Variants in DACH2 observed in about 807,000 individuals in gnomAD.
DACH2 encodes dachshund family transcription factor 2.
Under a neutral mutation model 35.8 loss-of-function variants are expected in DACH2, and 17 were observed. That is an observed-to-expected ratio of 0.48 (90% CI 0.33 to 0.71). DACH2 has a LOEUF of 0.71. DACH2 is among the 30% of genes least tolerant of loss of function. The probability of loss-of-function intolerance (pLI) is 0.02; values close to 1 mark genes in which losing one functional copy is unlikely to be tolerated. For missense variants in DACH2, 469 were observed against 472.7 expected, an observed-to-expected ratio of 0.99 and a Z score of 0.07; for synonymous variants, 195 against 177.3, an observed-to-expected ratio of 1.10 and a Z score of -0.79.
chrX:86,318,789 TG>T (rs1352413574), intron 1 of DACH2, among the ~76,000 whole-genome samples: 87 of 111,637 alleles, frequency 7.8e-4, no homozygotes, highest in African/African-American at 2.7e-3. Flanking sequence ...GACTAAAGTT[TG>T]ATTTTGGGAA....
At chrX:86,224,508 A>T (rs892381939) in intron 1 of DACH2, among the ~76,000 whole-genome samples, 32 of 111,426 alleles carry the variant, frequency 2.9e-4, no homozygotes, top group African/African-American at 1.0e-3. Context: ...TCAGAATAAG[A>T]TTAATAGCCA....
intron 2 of DACH2, among the ~76,000 whole-genome samples, chrX:86,440,381 T>C (rs2037140271): frequency 9.0e-6 from 1 of 111,708 alleles, no homozygotes; most frequent in South Asian, 3.7e-4. Context: ...TTATTTCTGA[T>C]AAATTTCCTT....
At chrX:86,750,294 A>G (rs762883238) in intron 7 of DACH2, among the ~76,000 whole-genome samples, 11 of 111,863 alleles carry the variant, frequency 9.8e-5, no homozygotes, top group African/African-American at 3.6e-4. Context: ...TTGTGTATTT[A>G]CTATGAAAAC....
chrX:86,517,884 T>C (rs62594973), intron 3 of DACH2, among the ~76,000 whole-genome samples: 5,476 of 111,662 alleles, frequency 0.049, 116 homozygotes, highest in Middle Eastern at 0.11. Flanking sequence ...TTGCTGTGCA[T>C]AAGCCCTTAA....
intron 2 of DACH2, among the ~76,000 whole-genome samples, chrX:86,379,581 T>C (rs2036017054): frequency 9.0e-6 from 1 of 111,169 alleles, no homozygotes; most frequent in African/African-American, 3.3e-5. Context: ...GTACCATAAA[T>C]CCTTATTGAG....
chrX:86,374,619 T>C (rs1319677930), intron 1 of DACH2, among the ~76,000 whole-genome samples: 1 of 111,490 alleles, frequency 9.0e-6, no homozygotes, highest in Middle Eastern at 4.6e-3. Flanking sequence ...CTTGTTTTGT[T>C]AGTGGCTTTA....
chrX:86,647,581 A>G (rs996121467), intron 3 of DACH2, among the ~76,000 whole-genome samples: 16 of 111,034 alleles, frequency 1.4e-4, no homozygotes, highest in Non-Finnish European at 2.3e-4. Context: ...TACAAGATGA[A>G]TAAGTCCTAG....
chrX:86,713,217 A>G (rs1333420439), intron 5 of DACH2, among the ~76,000 whole-genome samples: 2 of 111,730 alleles, frequency 1.8e-5, no homozygotes, highest in African/African-American at 6.5e-5. Flanking sequence ...CTTTATTAAA[A>G]TTAAAAACTA....
At chrX:86,639,091 G>T (rs1043262188) in intron 3 of DACH2, among the ~76,000 whole-genome samples, 1 of 112,098 alleles carries the variant, frequency 8.9e-6, no homozygotes, top group African/African-American at 3.2e-5. Context: ...CAGCTAGTGT[G>T]TGTGGTTCTC....
intron 6 of DACH2, among the ~76,000 whole-genome samples, chrX:86,729,868 C>T (rs766281829): frequency 3.4e-4 from 38 of 111,720 alleles, no homozygotes; most frequent in African/African-American, 1.0e-3. Flanking sequence ...GAAGCAGACA[C>T]GAGTGCTATG....
intron 2 of DACH2, among the ~76,000 whole-genome samples, chrX:86,511,338 C>A (rs770200674): frequency 3.6e-5 from 4 of 111,856 alleles, no homozygotes; most frequent in Non-Finnish European, 7.5e-5. Context: ...AAAGCACTTT[C>A]ACAAACTTCA....
At chrX:86,165,563 C>A (rs962426308) in intron 1 of DACH2, among the ~76,000 whole-genome samples, 1 of 111,153 alleles carries the variant, frequency 9.0e-6, no homozygotes, top group Non-Finnish European at 1.9e-5. Flanking sequence ...TTTCGATTTG[C>A]ATTTCTCTGA....
At chrX:86,553,215 C>T (rs953266780) in intron 3 of DACH2, among the ~76,000 whole-genome samples, 2 of 111,404 alleles carry the variant, frequency 1.8e-5, no homozygotes, top group Non-Finnish European at 3.8e-5. Flanking sequence ...TGGCAAATCA[C>T]TGGTGTAAGT....
intron 2 of DACH2, among the ~76,000 whole-genome samples, chrX:86,435,050 C>T (rs1602515011): frequency 9.0e-6 from 1 of 111,394 alleles, no homozygotes. Flanking sequence ...GAGGGATCTA[C>T]TCCCATGACC....
At chrX:86,678,491 CAAT>C (rs1211157963) in intron 4 of DACH2, among the ~76,000 whole-genome samples, 1 of 111,540 alleles carries the variant, frequency 9.0e-6, no homozygotes. Flanking sequence ...AAAAATAAGA[CAAT>C]AAGAATTAAT....
At chrX:86,412,537 CA>C (rs1463520467) in intron 2 of DACH2, among the ~76,000 whole-genome samples, 2 of 111,545 alleles carry the variant, frequency 1.8e-5, no homozygotes, top group Non-Finnish European at 3.8e-5. Context: ...ATGGTAAGAC[CA>C]GTGAATTCCA....
In DACH2 at chrX:86,478,409, C is replaced by T. The variant is rs150151431; in HGVS notation, c.528-35870C>T. ...GGGTAAAAGGTTTTTTCCTTCAGTA[C>T]CTTAAATATGTCATGCCACTCTCTC... On this transcript the variant is annotated intron_variant, in intron 2 of 11. Transcript: ENST00000373125. Among the ~76,000 whole-genome samples the T allele has an allele frequency of 5.0e-3, 550 of 110,874 alleles. 4 individuals are homozygous for T. Among genetic ancestry groups the T allele is most frequent in the African/African-American group, 0.017 (520 of 30,531 alleles).
intron 1 of DACH2, among the ~76,000 whole-genome samples, chrX:86,344,692 C>G (rs1321421824): frequency 1.8e-5 from 2 of 111,139 alleles, no homozygotes; most frequent in South Asian, 3.8e-4. Flanking sequence ...TTTGCCTAAA[C>G]ACCGCTTTTA....
chrX:86,401,313 C>G (rs749997319), intron 2 of DACH2, among the ~76,000 whole-genome samples: 3 of 112,367 alleles, frequency 2.7e-5, no homozygotes, highest in African/African-American at 9.7e-5. Context: ...AATTCCACGA[C>G]CCCTTGCACT....
Sources: gnomAD v4.1 joint callset for allele counts (sites outside exome capture counted in the v4.1 genomes callset) on GRCh38, gnomAD v4.1.1 for gene constraint, MANE v1.5 for transcripts, NCBI Gene and HGNC (gene_info 2026-07-23, HGNC 2026-07-21) for gene names.